The following IARS2 variants were observed in gnomAD, a reference collection of about 807,000 sequenced individuals.
IARS2 encodes isoleucyl-tRNA synthetase 2, mitochondrial.
In IARS2, 56 loss-of-function variants were observed where a neutral mutation model predicts 126.3. The ratio of observed to expected loss-of-function variants is 0.44; its 90% CI spans 0.36 to 0.55. The LOEUF is 0.55. IARS2 is among the 20% of genes least tolerant of loss of function. The pLI is 0.00. For synonymous variants in IARS2, 407 were observed against 441.1 expected, an observed-to-expected ratio of 0.92 and a Z score of 0.97; for missense variants, 1,127 against 1,245.9, an observed-to-expected ratio of 0.90 and a Z score of 1.44.
At position 220,148,037 on chromosome 1, in the gene IARS2, A is replaced by AAAT. The variant is rs1339166270; in HGVS notation, c.*404_*406dup. The AAAT allele has an allele frequency of 1.3e-5, 5 of 371,044 alleles. No homozygotes were observed. In the South Asian group the frequency reaches 7.3e-4, roughly 54 times the overall value. The allele number at this position is 371,044 out of a possible 1,614,324, so 23.0% of individuals were successfully genotyped here. A position where few individuals can be genotyped will look rare whatever the true frequency, so the allele number is the denominator to read the frequency against. ...TACTGAAAATAAAGGCATTCTGGAA[A>AAAT]AATACTGACTGATTTTGGTGCAGAA... is the stretch of plus-strand genomic sequence containing the variant. On this transcript the variant is annotated 3_prime_UTR_variant, in exon 23 of 23. Transcript: ENST00000366922.
At chr1:220,111,086 G>A (rs866921086) in intron 11 of IARS2, 149 bp downstream of exon 11, 1 of 747,562 alleles carries the variant, frequency 1.3e-6, no homozygotes, top group Non-Finnish European at 2.1e-6. Context: ...TTTAGATCTG[G>A]AAGGACCTTG....
At chr1:220,134,210 A>T (rs1657322068) in intron 14 of IARS2, among the ~76,000 whole-genome samples, 192 bp from the exon 15 acceptor site, 1 of 152,192 alleles carries the variant, frequency 6.6e-6, no homozygotes. Context: ...CACGTGATAC[A>T]TCTCTGTCCC....
At chr1:220,143,888 A>C (rs1262815472) in intron 21 of IARS2, 3 of 734,876 alleles carry the variant, frequency 4.1e-6, no homozygotes, top group Non-Finnish European at 2.3e-6. Context: ...AATGCTTAAG[A>C]AGAGAATTGG....
At chr1:220,131,978 T>C (rs551093111) in intron 14 of IARS2, among the ~76,000 whole-genome samples, 24 of 151,590 alleles carry the variant, frequency 1.6e-4, no homozygotes, top group Admixed American at 6.6e-4. Context: ...TTTGTATTTT[T>C]AGTAGAGACG....
chr1:220,111,598 A>ATATATATATATGTGTG (rs374024744), intron 11 of IARS2, among the ~76,000 whole-genome samples: 4 of 134,836 alleles, frequency 3.0e-5, no homozygotes, highest in African/African-American at 8.2e-5. Flanking sequence ...ATATATATAT[A>ATATATATATATGTGTG]TGTGTGTGTG....
At chr1:220,119,976 ATTAAGT>A (rs1657004468) in intron 12 of IARS2, among the ~76,000 whole-genome samples, 1 of 151,902 alleles carries the variant, frequency 6.6e-6, no homozygotes, top group Non-Finnish European at 1.5e-5. Context: ...TTGTTTGAAC[ATTAAGT>A]TTATCTTTGT....
chr1:220,115,069 A>G (rs1217923046), intron 12 of IARS2, among the ~76,000 whole-genome samples: 1 of 151,900 alleles, frequency 6.6e-6, no homozygotes, highest in Non-Finnish European at 1.5e-5. Context: ...TGAGGCAGTC[A>G]TTGTTTACAG....
At chr1:220,101,405 A>T (rs1368070129) in intron 3 of IARS2, among the ~76,000 whole-genome samples, 1 of 152,184 alleles carries the variant, frequency 6.6e-6, no homozygotes, top group African/African-American at 2.4e-5. Flanking sequence ...CTATTAAAAA[A>T]TTTTTATAGG....
chr1:220,135,808 TA>T (rs201704013), intron 15 of IARS2, among the ~76,000 whole-genome samples: 27 of 150,534 alleles, frequency 1.8e-4, no homozygotes, highest in East Asian at 3.9e-4. Flanking sequence ...TTTTTTCATT[TA>T]AAATTTTTTT....
intron 14 of IARS2, among the ~76,000 whole-genome samples, chr1:220,131,678 G>A (rs1231494701): frequency 6.6e-6 from 1 of 151,348 alleles, no homozygotes; most frequent in Non-Finnish European, 1.5e-5. Flanking sequence ...TAGAGATGGG[G>A]TTTCACCATG....
In IARS2 at chr1:220,126,848, T is replaced by G. The variant is rs1231511452; in HGVS notation, c.1837+5T>G. ...CATGGTCTTATGTTCTTCCAGGTAA[T>G]TCTTAAAAATAGATATATGCCGATC... is the stretch of plus-strand genomic sequence containing the variant. On this transcript the variant is annotated splice_donor_5th_base_variant and intron_variant, in intron 14 of 22. Coordinates refer to ENST00000366922, the MANE Select transcript of IARS2 (RefSeq NM_018060.4). 6.3e-7 allele frequency: 1 copy of G among 1,589,798 alleles called. No homozygotes were observed. The highest frequency in any genetic ancestry group is 1.1e-5 in the South Asian group (1 of 88,238).
At chr1:220,106,437 A>C (rs1656682300) in intron 9 of IARS2, among the ~76,000 whole-genome samples, 1 of 152,196 alleles carries the variant, frequency 6.6e-6, no homozygotes, top group African/African-American at 2.4e-5. Flanking sequence ...GTTTAGTTAA[A>C]AGGTGAGTCA....
At chr1:220,112,077 C>T (rs1188566100) in intron 11 of IARS2, among the ~76,000 whole-genome samples, 2 of 150,542 alleles carry the variant, frequency 1.3e-5, no homozygotes, top group Admixed American at 1.3e-4. Context: ...CAACAATAAT[C>T]AACTTTTGGT....
chr1:220,132,971 C>T (rs1268590343), intron 14 of IARS2, among the ~76,000 whole-genome samples: 1 of 151,986 alleles, frequency 6.6e-6, no homozygotes, highest in African/African-American at 2.4e-5. Context: ...CTAGATTAAA[C>T]TCTTTATTTT....
intron 18 of IARS2, 49 bp downstream of exon 18, chr1:220,139,188 T>A: frequency 6.6e-7 from 1 of 1,518,108 alleles, no homozygotes; most frequent in Non-Finnish European, 9.0e-7. Flanking sequence ...TCAGCACTAT[T>A]GTAGGTTAAA....
At position 220,094,388 on chromosome 1, in the gene IARS2, G is replaced by A. The variant is rs766990082; in HGVS notation, c.172G>A (p.Gly58Ser). ...TAACCACCAGCCGAACTCGAATAGT[G>A]GCAGATACCGGGACACGGTGCTGCT... ...ASNHQPNSNS[G>S]RYRDTVLLPQ... Residue 58 changes from glycine (G) to serine (S), a missense_variant, in exon 1 of 23, where the codon GGC (glycine) becomes AGC (serine). By Grantham distance (56) the Gly-to-Ser change is moderately conservative (BLOSUM62 0). Transcript: ENST00000366922. 1 of 1,612,854 alleles carries A rather than the reference G, an allele frequency of 6.2e-7. No homozygotes were observed. The highest frequency in any genetic ancestry group is 8.5e-7 in the Non-Finnish European group (1 of 1,179,696).
At chr1:220,099,150 T>G (rs973662445) in intron 2 of IARS2, among the ~76,000 whole-genome samples, 2 of 149,314 alleles carry the variant, frequency 1.3e-5, no homozygotes, top group Admixed American at 1.4e-4. Context: ...AGGCAGAGGT[T>G]GCAGTGAGCC....
intron 21 of IARS2, chr1:220,144,331 A>C (rs1254855103): frequency 8.1e-6 from 6 of 739,794 alleles, no homozygotes; most frequent in Admixed American, 3.6e-5. Context: ...AGCATCAGCC[A>C]GGACATTCAT....
intron 11 of IARS2, among the ~76,000 whole-genome samples, chr1:220,111,871 C>G (rs1260683844): frequency 5.9e-5 from 9 of 151,842 alleles, no homozygotes; most frequent in Non-Finnish European, 1.2e-4. Flanking sequence ...TCATTTAAAG[C>G]CTCTCTTCCT....
Sources: allele counts gnomAD v4.1 joint callset (sites outside exome capture counted in the v4.1 genomes callset), GRCh38; gene constraint gnomAD v4.1.1; transcripts MANE v1.5; gene names NCBI Gene and HGNC (gene_info 2026-07-23, HGNC 2026-07-21).